The following GNAL variants were observed in gnomAD, a reference collection of about 807,000 sequenced individuals.
The protein encoded by GNAL is guanine nucleotide-binding protein G(olf) subunit alpha.
A neutral mutation model predicts 55.1 loss-of-function variants in GNAL; 18 were observed. The ratio of observed to expected loss-of-function variants is 0.33; its 90% CI spans 0.23 to 0.48. GNAL has a LOEUF of 0.48. Among genes scored for constraint, GNAL ranks in the 20% least tolerant of loss-of-function variants. GNAL has a pLI of 0.99. For missense variants in GNAL, 412 were observed against 614.1 expected (o/e 0.67, Z 3.48); for synonymous variants, 253 against 237.0 (o/e 1.07, Z -0.62).
chr18:11,810,117 A>AGGGCGG (rs1185121209), intron 4 of GNAL, among the ~76,000 whole-genome samples: 1 of 152,222 alleles, frequency 6.6e-6, no homozygotes, highest in Non-Finnish European at 1.5e-5. Flanking sequence ...TTGGCTGGGC[A>AGGGCGG]GGGCGGCTCA....
Position 11,885,267 on chromosome 18 carries a change from A to C in GNAL, c.*4132A>C. The C allele has an allele frequency of 3.7e-6, 1 of 272,936 alleles. No individual in the cohort carries two copies. The highest frequency in any genetic ancestry group is 7.1e-6 in the Non-Finnish European group (1 of 141,258). 16.9% of individuals were successfully genotyped at this position (272,936 alleles called of 1,614,324 possible). A position where few individuals can be genotyped will look rare whatever the true frequency, so the allele number is the denominator to read the frequency against. ...ACGCCCAGTGGTCATTAAGTGAAAC[A>C]TCTTTTATCAACCTGCAAAAGCTGC... On this transcript the variant is annotated 3_prime_UTR_variant, in exon 12 of 12. Transcript: ENST00000334049.
chr18:11,848,958 C>G (rs1358273968), intron 5 of GNAL, among the ~76,000 whole-genome samples: 1 of 152,158 alleles, frequency 6.6e-6, no homozygotes, highest in Non-Finnish European at 1.5e-5. Flanking sequence ...CTAACACTTA[C>G]CTAATGTGTG....
At chr18:11,731,902 G>C (rs1461521983) in intron 1 of GNAL, among the ~76,000 whole-genome samples, 2 of 152,192 alleles carry the variant, frequency 1.3e-5, no homozygotes, top group African/African-American at 2.4e-5. Flanking sequence ...TCTCTTTGCA[G>C]ATTTGCCTAT....
Position 11,748,333 on chromosome 18 carries a change from T to C in GNAL, c.377-4520T>C, listed in dbSNP as rs191353660. On this transcript the variant is annotated intron_variant, in intron 1 of 11. Transcript: ENST00000334049. The stretch of plus-strand genomic sequence containing the variant: ...GGGTCTGTGTCCCAGATACTCTTCT[T>C]ACTCAGCCTCTCAGTCTCTGTAAAA... Among the ~76,000 whole-genome samples, 8 of 152,336 alleles carry C rather than the reference T, an allele frequency of 5.3e-5. No homozygotes were observed. The East Asian group carries it at 1.5e-3, about 29-fold the overall frequency.
intron 4 of GNAL, among the ~76,000 whole-genome samples, chr18:11,772,667 G>A (rs2033668985): frequency 6.6e-6 from 1 of 152,148 alleles, no homozygotes; most frequent in Non-Finnish European, 1.5e-5. Flanking sequence ...CAGATGTGCT[G>A]ACCTGGAGGC....
chr18:11,739,097 TC>T (rs2032520760), intron 1 of GNAL, among the ~76,000 whole-genome samples: 1 of 152,186 alleles, frequency 6.6e-6, no homozygotes, highest in Admixed American at 6.5e-5. Flanking sequence ...GCAGCCTAGA[TC>T]CCTGGGGGCA....
At chr18:11,727,124 AC>A (rs1370415720) in intron 1 of GNAL, among the ~76,000 whole-genome samples, 2 of 151,674 alleles carry the variant, frequency 1.3e-5, no homozygotes, top group Non-Finnish European at 2.9e-5. Context: ...CCCTGCTTAC[AC>A]CCTGTGCCCT....
intron 9 of GNAL, among the ~76,000 whole-genome samples, chr18:11,872,020 G>C (rs1280030881): frequency 2.0e-5 from 3 of 152,202 alleles, no homozygotes; most frequent in Non-Finnish European, 4.4e-5. Flanking sequence ...TCATGTCAGT[G>C]CTGAAAAAGT....
In GNAL at chr18:11,856,210, G is replaced by T. The variant is rs539872476; in HGVS notation, c.723-6185G>T. ...AACTGATGAGCAGACCCCTGTTTTT[G>T]TTTTTGTGTTGAATCAACTGACTGG... On this transcript the variant is annotated intron_variant, in intron 5 of 11. Coordinates refer to ENST00000334049, the MANE Select transcript of GNAL (RefSeq NM_182978.4). 2.0e-5 allele frequency among the ~76,000 whole-genome samples: 3 copies of T among 151,498 alleles called. 1 individual carries two copies. The highest frequency in any genetic ancestry group is 7.3e-5 in the African/African-American group (3 of 40,840).
chr18:11,864,872 C>T (rs2036225465), intron 7 of GNAL, among the ~76,000 whole-genome samples: 1 of 152,100 alleles, frequency 6.6e-6, no homozygotes, highest in South Asian at 2.1e-4. Context: ...GATCAGGAGA[C>T]TCATGAAATT....
At chr18:11,763,770 T>A (rs1186745139) in intron 4 of GNAL, among the ~76,000 whole-genome samples, 1 of 152,250 alleles carries the variant, frequency 6.6e-6, no homozygotes, top group African/African-American at 2.4e-5. Flanking sequence ...ATGATATTGG[T>A]AACTCTGGTC....
At chr18:11,784,240 G>A (rs966885580) in intron 4 of GNAL, among the ~76,000 whole-genome samples, 1 of 152,262 alleles carries the variant, frequency 6.6e-6, no homozygotes, top group African/African-American at 2.4e-5. Context: ...TTGTGTTTCT[G>A]TCTTCAGGTC....
intron 5 of GNAL, among the ~76,000 whole-genome samples, chr18:11,859,623 A>G (rs1166446316): frequency 6.6e-6 from 1 of 152,182 alleles, no homozygotes. Context: ...TCTGGTGCGC[A>G]GTAGCACCTC....
intron 4 of GNAL, among the ~76,000 whole-genome samples, chr18:11,808,178 C>T (rs908660573): frequency 6.6e-6 from 1 of 152,070 alleles, no homozygotes; most frequent in African/African-American, 2.4e-5. Flanking sequence ...TGGAAGGAAT[C>T]GCCACTCTCC....
intron 4 of GNAL, among the ~76,000 whole-genome samples, chr18:11,775,299 C>T (rs970007270): frequency 2.0e-5 from 3 of 152,234 alleles, no homozygotes; most frequent in Non-Finnish European, 4.4e-5. Flanking sequence ...GTCCACACCT[C>T]ACCCATATGC....
Position 11,715,475 on chromosome 18 carries a change from A to G in GNAL, c.376+25536A>G, listed in dbSNP as rs961444570. 4.0e-5 allele frequency among the ~76,000 whole-genome samples: 6 copies of G among 151,800 alleles called. 1 individual carries two copies. Among genetic ancestry groups the G allele is most frequent in the Non-Finnish European group, 5.9e-5 (4 of 67,942 alleles). ...GACTCCATCTCAAAAAAAAAAAAAA[A>G]AAAGAAAAGAAAACAAATGAGCACA... On this transcript the variant is annotated intron_variant, in intron 1 of 11. Coordinates refer to ENST00000334049, the MANE Select transcript of GNAL (RefSeq NM_182978.4).
intron 1 of GNAL, among the ~76,000 whole-genome samples, chr18:11,744,560 G>A (rs1318762846): frequency 5.3e-5 from 8 of 152,096 alleles, no homozygotes; most frequent in Admixed American, 4.6e-4. Context: ...AAAATGTCCC[G>A]AAGGGACCCC....
At chr18:11,813,254 T>TAAAAAA (rs60626923) in intron 4 of GNAL, among the ~76,000 whole-genome samples, 30 of 138,414 alleles carry the variant, frequency 2.2e-4, no homozygotes, top group Admixed American at 3.6e-4. Flanking sequence ...GACTCCATCT[T>TAAAAAA]AAAAAAAAGA....
intron 1 of GNAL, among the ~76,000 whole-genome samples, chr18:11,712,530 T>G (rs2031862448): frequency 6.6e-6 from 1 of 152,260 alleles, no homozygotes; most frequent in African/African-American, 2.4e-5. Flanking sequence ...CTTTCTATTT[T>G]GCCATCTTGC....
Sources: gnomAD v4.1 joint callset for allele counts (sites outside exome capture counted in the v4.1 genomes callset) on GRCh38, gnomAD v4.1.1 for gene constraint, MANE v1.5 for transcripts, NCBI Gene and HGNC (gene_info 2026-07-23, HGNC 2026-07-21) for gene names.